Variants in XRN1 observed in about 807,000 individuals in gnomAD.
XRN1 encodes 5'-3' exoribonuclease 1, also known as strand-exchange protein 1 homolog.
In XRN1, 67 loss-of-function variants were observed where a neutral mutation model predicts 222.3. That is an observed-to-expected ratio of 0.30 (90% CI 0.25 to 0.37). The LOEUF (loss-of-function observed/expected upper bound fraction) is 0.37, where lower values mean the gene tolerates loss of function less well. Among genes scored for constraint, XRN1 ranks in the 10% least tolerant of loss-of-function variants. XRN1 has a pLI of 1.00. For synonymous variants in XRN1, 643 were observed against 652.4 expected (o/e 0.99, Z 0.22); for missense variants, 1,707 against 2,000.2 (o/e 0.85, Z 2.80).
intron 32 of XRN1, 159 bp downstream of exon 32, chr3:142,355,242 T>A: frequency 2.5e-6 from 1 of 404,312 alleles, no homozygotes; most frequent in Non-Finnish European, 4.2e-6. Flanking sequence ...ACAAATAAAG[T>A]TGAAATTATT....
intron 29 of XRN1, among the ~76,000 whole-genome samples, chr3:142,360,553 C>T (rs1559815217): frequency 6.7e-6 from 1 of 150,128 alleles, no homozygotes; most frequent in Non-Finnish European, 1.5e-5. Flanking sequence ...AGGGCATGTA[C>T]TTTTTTAAAA....
rs72990415 is a variant in XRN1, at chr3:142,318,055, T to C, written c.4621+537A>G. ...ACCTTTCTAATGCTTATTGTAAGCA[T>C]TAGATATTTAGAATTCCTGGAGTAT... On this transcript the variant is annotated intron_variant, in intron 39 of 40. Coordinates refer to ENST00000392981, the MANE Select transcript of XRN1 (RefSeq NM_001282857.2). Among the ~76,000 whole-genome samples the C allele has an allele frequency of 9.6e-3, 1,457 of 152,262 alleles. 28 individuals carry two copies. Among genetic ancestry groups the C allele is most frequent in the African/African-American group, 0.034 (1,398 of 41,544 alleles).
intron 15 of XRN1, among the ~76,000 whole-genome samples, chr3:142,407,901 T>C (rs1177311962): frequency 2.0e-5 from 3 of 152,264 alleles, no homozygotes; most frequent in Non-Finnish European, 4.4e-5. Context: ...ACAGCAATGC[T>C]GACAAATGCA....
Position 142,403,978 on chromosome 3 carries a change from A to G in XRN1, c.1895T>C (p.Ile632Thr), listed in dbSNP as rs1236018503. The G allele has an allele frequency of 1.9e-6, 3 of 1,574,612 alleles. No individual in the cohort carries two copies. The African/African-American group carries it at 4.1e-5, about 21-fold the overall frequency. ...GTCTACACGCCAAGCATCTAAGGAT[A>G]TTATTTTATACCTAGAAAATAAATC... is the stretch of plus-strand genomic sequence containing the variant. ...IERCCTRYKIISLDAWRVDIN... is the reference protein window; with the variant it reads ...IERCCTRYKITSLDAWRVDIN... Residue 632 changes from isoleucine to threonine, a missense_variant, in exon 17 of 41, where the codon ATA (isoleucine) becomes ACA (threonine). By Grantham distance (89) the Ile-to-Thr change is moderately conservative. Transcript: ENST00000392981.
intron 1 of XRN1, among the ~76,000 whole-genome samples, chr3:142,443,636 A>G (rs893269687): frequency 1.1e-4 from 16 of 152,240 alleles, no homozygotes; most frequent in African/African-American, 3.9e-4. Flanking sequence ...ATGTCACTCT[A>G]TTAAATCTTG....
chr3:142,422,079 T>G (rs574697328), intron 8 of XRN1, among the ~76,000 whole-genome samples: 19 of 152,196 alleles, frequency 1.2e-4, no homozygotes, highest in Non-Finnish European at 2.6e-4. Context: ...GTGTGGTGGC[T>G]CATGCCTGTA....
intron 15 of XRN1, 81 bp from the exon 16 acceptor site, chr3:142,405,157 A>G: frequency 7.3e-7 from 1 of 1,363,020 alleles, no homozygotes; most frequent in Non-Finnish European, 1.0e-6. Context: ...TTTTTCCTCC[A>G]TATACAGAAT....
chr3:142,431,961 TA>T (rs1279175678), intron 2 of XRN1, among the ~76,000 whole-genome samples: 19 of 98,902 alleles, frequency 1.9e-4, no homozygotes, highest in African/African-American at 6.3e-4. Flanking sequence ...ATATTATATA[TA>T]ATATAATATA....
intron 27 of XRN1, 83 bp downstream of exon 27, chr3:142,370,402 T>C (rs1231517832): frequency 3.4e-6 from 5 of 1,466,700 alleles, no homozygotes; most frequent in Non-Finnish European, 4.6e-6. Flanking sequence ...TTTATTTGGT[T>C]GAAACACAAA....
chr3:142,383,783 C>A (rs2067389089), intron 21 of XRN1, among the ~76,000 whole-genome samples: 2 of 152,142 alleles, frequency 1.3e-5, no homozygotes, highest in Non-Finnish European at 2.9e-5. Flanking sequence ...TACTATAACA[C>A]CCCAAATTAC....
chr3:142,430,243 T>C (rs2069464376), intron 2 of XRN1, among the ~76,000 whole-genome samples: 2 of 152,202 alleles, frequency 1.3e-5, no homozygotes, highest in Non-Finnish European at 2.9e-5. Context: ...TTACAGTGAT[T>C]TTTATAAACA....
At chr3:142,358,084 G>A (rs978913940) in intron 30 of XRN1, among the ~76,000 whole-genome samples, 3 of 151,770 alleles carry the variant, frequency 2.0e-5, no homozygotes, top group African/African-American at 4.8e-5. Context: ...ACAAAAAAAC[G>A]AAAACTATGG....
intron 32 of XRN1, among the ~76,000 whole-genome samples, chr3:142,351,499 G>A (rs1181082233): frequency 1.3e-5 from 2 of 152,150 alleles, no homozygotes; most frequent in South Asian, 2.1e-4. Flanking sequence ...ATGAAAGACC[G>A]ATTAGGGTGG....
At chr3:142,403,259 T>C (rs765721839) in intron 18 of XRN1, among the ~76,000 whole-genome samples, 2 of 152,206 alleles carry the variant, frequency 1.3e-5, no homozygotes, top group Non-Finnish European at 2.9e-5. Flanking sequence ...TGTTAAGAAA[T>C]AGTTCAGATA....
Position 142,380,063 on chromosome 3 carries a change from T to C in XRN1, c.2715+19A>G. The C allele has an allele frequency of 6.3e-7, 1 of 1,593,628 alleles. No individual in the cohort carries two copies. Among genetic ancestry groups the C allele is most frequent in the South Asian group, 1.1e-5 (1 of 87,754 alleles). On this transcript the variant is annotated intron_variant, in intron 23 of 40. Transcript: ENST00000392981. ...AGTTTATCAATTCTAAATGAAACAA[T>C]ACAAACTACTGTACTCACATGCTGG...
In XRN1 at chr3:142,414,157, T is replaced by C. The variant is rs748710593; in HGVS notation, c.1571A>G (p.Asn524Ser). The C allele has an allele frequency of 6.2e-7, 1 of 1,612,612 alleles. No individual in the cohort carries two copies. Among genetic ancestry groups the C allele is most frequent in the Non-Finnish European group, 8.5e-7 (1 of 1,179,340 alleles). The change falls in exon 14 of 41, where the codon AAT (asparagine) becomes AGT (serine). Residue 524 changes from asparagine to serine, a missense_variant. Coordinates refer to ENST00000392981, the MANE Select transcript of XRN1 (RefSeq NM_001282857.2). ...CACCTGGTAGCATGCAGGAAGTAAA[T>C]TTTTGCTGGCTGCTGGAAGTACAGC... is the stretch of plus-strand genomic sequence containing the variant. ...LLAVLPAASK[N>S]LLPACYQHLM... is the part of the protein sequence containing the mutation.
At chr3:142,429,385 T>C (rs1212649110) in intron 2 of XRN1, among the ~76,000 whole-genome samples, 1 of 152,060 alleles carries the variant, frequency 6.6e-6, no homozygotes, top group Non-Finnish European at 1.5e-5. Context: ...CCTGACCTTG[T>C]GATCCACCCG....
At chr3:142,326,913 TCA>T (rs1216904208) in intron 37 of XRN1, among the ~76,000 whole-genome samples, 2 of 152,166 alleles carry the variant, frequency 1.3e-5, no homozygotes, top group African/African-American at 4.8e-5. Flanking sequence ...TGTTGATGTG[TCA>T]CAGTTATTGA....
At chr3:142,368,641 G>A (rs1383139565) in intron 27 of XRN1, among the ~76,000 whole-genome samples, 1 of 152,130 alleles carries the variant, frequency 6.6e-6, no homozygotes. Context: ...AAATGATGCT[G>A]AACAAACTGA....
Sources: allele counts gnomAD v4.1 joint callset (sites outside exome capture counted in the v4.1 genomes callset), GRCh38; gene constraint gnomAD v4.1.1; transcripts MANE v1.5; gene names NCBI Gene and HGNC (gene_info 2026-07-23, HGNC 2026-07-21).